The following GMDS variants were observed in gnomAD, a reference collection of about 807,000 sequenced individuals.
GMDS encodes the protein GDP-mannose 4,6 dehydratase.
In GMDS, 20 loss-of-function variants were observed where a neutral mutation model predicts 49.9. The ratio of observed to expected loss-of-function variants is 0.40; its 90% CI spans 0.28 to 0.58. The LOEUF is 0.58. Among genes scored for constraint, GMDS ranks in the 20% least tolerant of loss-of-function variants. GMDS has a pLI of 0.42. For synonymous variants in GMDS, 177 were observed against 178.6 expected, an observed-to-expected ratio of 0.99 and a Z score of 0.07; for missense variants, 362 against 481.4, an observed-to-expected ratio of 0.75 and a Z score of 2.32.
At chr6:1,771,115 C>T (rs890959666) in intron 7 of GMDS, among the ~76,000 whole-genome samples, 11 of 152,302 alleles carry the variant, frequency 7.2e-5, no homozygotes, top group Non-Finnish European at 1.3e-4. Context: ...AAAATAGCCC[C>T]TCCCTGGTGT....
chr6:1,667,063 A>G (rs1307776754), intron 9 of GMDS, among the ~76,000 whole-genome samples: 1 of 152,238 alleles, frequency 6.6e-6, no homozygotes, highest in East Asian at 1.9e-4. Flanking sequence ...ATGAGCCTAG[A>G]GCAGCTGTGC....
In GMDS at chr6:2,191,030, G is replaced by A. The variant is rs1778990737; in HGVS notation, c.102+54291C>T. Among the ~76,000 whole-genome samples, 1 of 152,090 alleles carries A rather than the reference G, an allele frequency of 6.6e-6. No homozygotes were observed. Among genetic ancestry groups the A allele is most frequent in the Non-Finnish European group, 1.5e-5 (1 of 67,974 alleles). On this transcript the variant is annotated intron_variant, in intron 1 of 10. Coordinates refer to ENST00000380815, the MANE Select transcript of GMDS (RefSeq NM_001500.4). This position sits in a 1 kb window ranked among gnomAD's most constrained non-coding sequence, Gnocchi z 4.6. ...GCACCAGGAGGAGGCAGCACTGGGG[G>A]ACCCAGGGCGGGAGGGGGAAATGGG...
intron 1 of GMDS, among the ~76,000 whole-genome samples, chr6:2,147,910 G>A (rs182567532): frequency 3.3e-4 from 50 of 150,956 alleles, no homozygotes; most frequent in Non-Finnish European, 6.3e-4. Context: ...TGACACAGAT[G>A]TGTTGCTGAC....
chr6:2,113,022 C>G (rs1774637501), intron 4 of GMDS, among the ~76,000 whole-genome samples: 1 of 152,208 alleles, frequency 6.6e-6, no homozygotes, highest in Non-Finnish European at 1.5e-5. Flanking sequence ...CCCTAGATCT[C>G]TCTCAAAACT....
intron 7 of GMDS, among the ~76,000 whole-genome samples, chr6:1,764,240 T>G (rs1320591231): frequency 2.6e-5 from 4 of 152,046 alleles, no homozygotes; most frequent in Non-Finnish European, 1.5e-5. Flanking sequence ...GCTGTGAGGG[T>G]GAATACGAAA....
chr6:1,643,877 A>T (rs539670606), intron 9 of GMDS, among the ~76,000 whole-genome samples: 17 of 152,314 alleles, frequency 1.1e-4, no homozygotes, highest in Non-Finnish European at 2.2e-4. Flanking sequence ...CCTCTAAAAA[A>T]AAAGTCCTTT....
At chr6:2,022,030 A>T (rs187844690) in intron 4 of GMDS, among the ~76,000 whole-genome samples, 9 of 152,328 alleles carry the variant, frequency 5.9e-5, no homozygotes, top group Admixed American at 5.9e-4. Context: ...CTTGAGGATG[A>T]GGGAATGCTT....
intron 4 of GMDS, among the ~76,000 whole-genome samples, chr6:1,966,548 C>G (rs1162172882): frequency 2.0e-5 from 3 of 152,182 alleles, no homozygotes; most frequent in Admixed American, 6.5e-5. Context: ...CCCCTGCACC[C>G]CGACTCTAGC....
At chr6:1,736,612 T>C (rs1184036558) in intron 8 of GMDS, among the ~76,000 whole-genome samples, 1 of 152,224 alleles carries the variant, frequency 6.6e-6, no homozygotes, top group Non-Finnish European at 1.5e-5. Context: ...TTACTCCACC[T>C]GGTCACAGCA....
chr6:2,124,744 A>G lies in GMDS; in HGVS notation c.103-13T>C. 1 of 1,608,704 alleles carries G rather than the reference A, an allele frequency of 6.2e-7. No individual in the cohort carries two copies. Among genetic ancestry groups the G allele is most frequent in the Non-Finnish European group, 8.5e-7 (1 of 1,175,792 alleles). ...GGTAGGAACCATCCTGGGGAGAAAGAAAAAATTGCAAAACGTCAGTCTCAT... is the reference window on the plus strand; with the variant it reads ...GGTAGGAACCATCCTGGGGAGAAAGGAAAAATTGCAAAACGTCAGTCTCAT... On this transcript the variant is annotated splice_polypyrimidine_tract_variant and intron_variant, in intron 1 of 10. Transcript: ENST00000380815.
chr6:1,752,420 T>C (rs1183057542), intron 7 of GMDS, among the ~76,000 whole-genome samples: 3 of 152,218 alleles, frequency 2.0e-5, no homozygotes, highest in African/African-American at 7.2e-5. Context: ...TTGGTGTACC[T>C]GAAAGTGATG....
intron 4 of GMDS, among the ~76,000 whole-genome samples, chr6:1,966,292 G>T (rs1468527552): frequency 6.6e-6 from 1 of 150,810 alleles, no homozygotes; most frequent in Non-Finnish European, 1.5e-5. Context: ...AAAGAGAGTT[G>T]CATTTTCAGA....
chr6:1,791,724 G>A (rs541932048), intron 7 of GMDS, among the ~76,000 whole-genome samples: 7 of 152,238 alleles, frequency 4.6e-5, no homozygotes, highest in East Asian at 1.9e-4. Flanking sequence ...AGAATACAAC[G>A]TGCATTTTGG....
intron 4 of GMDS, among the ~76,000 whole-genome samples, chr6:1,999,149 C>T (rs540180739): frequency 1.1e-4 from 17 of 151,926 alleles, no homozygotes; most frequent in Middle Eastern, 3.4e-3. Context: ...TGGTGAAACC[C>T]CGTCTCTACT....
chr6:2,234,661 C>T (rs1281360351), intron 1 of GMDS, among the ~76,000 whole-genome samples: 3 of 152,012 alleles, frequency 2.0e-5, no homozygotes, highest in Admixed American at 2.0e-4. Flanking sequence ...TTTGAAAAGA[C>T]ATAAATTTTC....
intron 4 of GMDS, among the ~76,000 whole-genome samples, chr6:1,999,388 T>A (rs1169440824): frequency 1.3e-5 from 2 of 150,586 alleles, no homozygotes; most frequent in Non-Finnish European, 3.0e-5. Context: ...TATTAAAAGA[T>A]GTAAAAACAA....
At chr6:1,677,320 T>G (rs548200122) in intron 9 of GMDS, among the ~76,000 whole-genome samples, 1 of 152,070 alleles carries the variant, frequency 6.6e-6, no homozygotes, top group African/African-American at 2.4e-5. Flanking sequence ...TGTGGAGAAA[T>G]AGGATGTGGA....
chr6:1,647,857 C>G (rs1763534448), intron 9 of GMDS, among the ~76,000 whole-genome samples: 1 of 152,184 alleles, frequency 6.6e-6, no homozygotes, highest in Non-Finnish European at 1.5e-5. Flanking sequence ...CTGTACTGAT[C>G]CCTCCAGTGC....
chr6:1,882,571 C>T (rs543350639), intron 7 of GMDS, among the ~76,000 whole-genome samples: 5 of 152,002 alleles, frequency 3.3e-5, no homozygotes, highest in African/African-American at 9.6e-5. Flanking sequence ...AAATAATTAA[C>T]GAAGGACTTT....
Sources: gnomAD v4.1 joint callset for allele counts (sites outside exome capture counted in the v4.1 genomes callset) on GRCh38, gnomAD v4.1.1 for gene constraint, Gnocchi (gnomAD v3.1) non-coding constraint, MANE v1.5 for transcripts, NCBI Gene and HGNC (gene_info 2026-07-23, HGNC 2026-07-21) for gene names.